SLC12A6: variants seen among roughly 807,000 people sequenced by gnomAD.
SLC12A6 encodes solute carrier family 12 member 6.
Under a neutral mutation model 135.3 loss-of-function variants are expected in SLC12A6, and 66 were observed. That is an observed-to-expected ratio of 0.49 (90% CI 0.40 to 0.60). The LOEUF is 0.60. Among genes scored for constraint, SLC12A6 ranks in the 20% least tolerant of loss-of-function variants. The pLI, the probability that SLC12A6 is intolerant of heterozygous loss-of-function variation, is 0.00. For missense variants in SLC12A6, 1,058 were observed against 1,452.3 expected, an observed-to-expected ratio of 0.73 and a Z score of 4.41; for synonymous variants, 513 against 508.8, an observed-to-expected ratio of 1.01 and a Z score of -0.11.
At chr15:34,325,751 G>A (rs1204517334) in intron 2 of SLC12A6, among the ~76,000 whole-genome samples, 1 of 151,796 alleles carries the variant, frequency 6.6e-6, no homozygotes, top group Non-Finnish European at 1.5e-5. Context: ...AGGCTGAAAG[G>A]ATCATGCATT....
chr15:34,299,054 T>C (rs1456245848), intron 2 of SLC12A6, among the ~76,000 whole-genome samples: 1 of 152,176 alleles, frequency 6.6e-6, no homozygotes, highest in African/African-American at 2.4e-5. Context: ...ACTTGTTTAT[T>C]TGTAATCTAC....
chr15:34,254,882 G>A (rs1033011239), intron 8 of SLC12A6, among the ~76,000 whole-genome samples: 1 of 151,840 alleles, frequency 6.6e-6, no homozygotes, highest in Non-Finnish European at 1.5e-5. Context: ...TAATTATAAT[G>A]ATGATCTTTA....
intron 4 of SLC12A6, among the ~76,000 whole-genome samples, chr15:34,260,217 T>TA (rs887627666): frequency 6.6e-6 from 1 of 151,916 alleles, no homozygotes; most frequent in African/African-American, 2.4e-5. Flanking sequence ...ATTTGACAAT[T>TA]AAAAAAAAGG....
At chr15:34,292,594 C>A (rs1458700444) in intron 2 of SLC12A6, among the ~76,000 whole-genome samples, 1 of 152,214 alleles carries the variant, frequency 6.6e-6, no homozygotes, top group Admixed American at 6.5e-5. Flanking sequence ...GCCCTGCCCC[C>A]AGAGGTGGAA....
chr15:34,245,745 G>A lies in SLC12A6; in HGVS notation c.1772C>T (p.Ala591Val). ...GGCAATAGCTTGTAGCAGCCTCGGT[G>A]CACCTGTGAGGCTCTGAAGTCCAGC... is the stretch of plus-strand genomic sequence containing the variant. Reference protein sequence around the residue: ...CGAGLQSLTGAPRLLQAIAKD... With the variant: ...CGAGLQSLTGVPRLLQAIAKD... Residue 591 changes from alanine (A) to valine (V), a missense_variant, in exon 14 of 26, where the codon GCA (alanine) becomes GTA (valine). By Grantham distance (64) the Ala-to-Val change is moderately conservative (BLOSUM62 0). This residue lies in a region of SLC12A6 where 170 missense variants were observed against 297.6 expected (regional missense o/e 0.57). Coordinates refer to ENST00000354181, the MANE Select transcript of SLC12A6 (RefSeq NM_001365088.1). 6 of 1,613,790 alleles carry A rather than the reference G, an allele frequency of 3.7e-6. No homozygotes were observed. Among genetic ancestry groups the A allele is most frequent in the Non-Finnish European group, 5.1e-6 (6 of 1,179,688 alleles).
intron 2 of SLC12A6, among the ~76,000 whole-genome samples, chr15:34,282,986 G>A (rs1325747966): frequency 1.3e-5 from 2 of 152,166 alleles, no homozygotes; most frequent in African/African-American, 2.4e-5. Flanking sequence ...CCATGTGCTA[G>A]GGATAGAAGG....
intron 3 of SLC12A6, among the ~76,000 whole-genome samples, chr15:34,273,710 G>A (rs1595476263): frequency 6.6e-6 from 1 of 152,200 alleles, no homozygotes; most frequent in East Asian, 1.9e-4. Flanking sequence ...AGCTCAGCAG[G>A]GATCAAAATA....
At chr15:34,292,496 A>G (rs931963365) in intron 2 of SLC12A6, among the ~76,000 whole-genome samples, 2 of 152,148 alleles carry the variant, frequency 1.3e-5, no homozygotes, top group Admixed American at 1.3e-4. Context: ...CTCAAACATC[A>G]CGCTGGGAGA....
chr15:34,333,803 G>T (rs11633814), intron 2 of SLC12A6, among the ~76,000 whole-genome samples: 16,603 of 152,032 alleles, frequency 0.11, 1,102 homozygotes, highest in South Asian at 0.19. Flanking sequence ...GGGCGCTGTG[G>T]CTCACGCCTG....
At chr15:34,240,560 G>C in intron 19 of SLC12A6, 101 bp downstream of exon 19, 1 of 1,044,762 alleles carries the variant, frequency 9.6e-7, no homozygotes, top group Non-Finnish European at 1.5e-6. Flanking sequence ...AAACCTCCTA[G>C]ATCACTCAGG....
In SLC12A6 at chr15:34,275,368, G is replaced by C; in HGVS notation, c.293C>G (p.Thr98Arg). 6.5e-7 allele frequency: 1 copy of C among 1,547,304 alleles called. No individual in the cohort carries two copies. Among genetic ancestry groups the C allele is most frequent in the Non-Finnish European group, 8.9e-7 (1 of 1,119,794 alleles). The change falls in exon 3 of 26, where the codon ACA (threonine) becomes AGA (arginine). Residue 98 changes from threonine (T) to arginine (R), a missense_variant. Physicochemically the swap from Thr to Arg is moderately conservative, Grantham distance 71 (BLOSUM62 -1). This residue lies in a region of SLC12A6 where 176 missense variants were observed against 168.9 expected (regional missense o/e 1.04). Transcript: ENST00000354181. Reference sequence around the variant, plus strand: ...ACCTAACAGTTGGCTGTGTTCCCCTGTGATGGAGTTCTGACTCAGGTCTGA... The same window carrying C: ...ACCTAACAGTTGGCTGTGTTCCCCTCTGATGGAGTTCTGACTCAGGTCTGA... ...VIEDLSQNSI[T>R]GEHSQLLDDG...
chr15:34,268,068 T>C lies in SLC12A6; in HGVS notation c.317-7048A>G, dbSNP rs78524896. Among the ~76,000 whole-genome samples the C allele has an allele frequency of 8.9e-4, 136 of 152,308 alleles. 1 individual carries two copies. Among genetic ancestry groups the C allele is most frequent in the African/African-American group, 3.0e-3 (123 of 41,558 alleles). ...TTTGTATCCCAGACTCAGGACCATG[T>C]CATTTCTCTTGAGGGTTATGGAAGT... On this transcript the variant is annotated intron_variant, in intron 3 of 25. Transcript: ENST00000354181.
chr15:34,256,334 C>T (rs1892751272), intron 6 of SLC12A6, 51 bp from the exon 7 acceptor site: 1 of 1,226,760 alleles, frequency 8.2e-7, no homozygotes, highest in Admixed American at 1.7e-5. Context: ...GATGACATTT[C>T]TATACTACTT....
chr15:34,260,394 G>A (rs964954716), intron 4 of SLC12A6, among the ~76,000 whole-genome samples: 1 of 152,148 alleles, frequency 6.6e-6, no homozygotes, highest in Admixed American at 6.5e-5. Flanking sequence ...GAGTAGCTGG[G>A]ACCACAGGCG....
rs2140728930 is a variant in SLC12A6 at position 34,251,006 on chromosome 15, G to T, written c.1385C>A (p.Ser462Ter). Residue 462 changes from serine to a stop codon, truncating the protein, a stop_gained, in exon 11 of 26, where the codon TCA becomes TAA. Coordinates refer to ENST00000354181, the MANE Select transcript of SLC12A6 (RefSeq NM_001365088.1). LOFTEE classifies it high-confidence loss of function. ...LPKGEIIEKP[S>*]AKSSDVLGSL... ...GCCTAAGACATCAGAAGATTTGGCT[G>T]AAGGCTTTTCGATGATCTCTCCCTT... 1 of 1,611,304 alleles carries T rather than the reference G, an allele frequency of 6.2e-7. No individual in the cohort carries two copies. Among genetic ancestry groups the T allele is most frequent in the East Asian group, 2.2e-5 (1 of 44,842 alleles).
chr15:34,240,477 TAATA>T (rs1339828729), intron 19 of SLC12A6, among the ~76,000 whole-genome samples, 180 bp downstream of exon 19: 1 of 152,160 alleles, frequency 6.6e-6, no homozygotes, highest in African/African-American at 2.4e-5. Context: ...CAGGAAGAAA[TAATA>T]AATAACTATT....
chr15:34,252,796 A>G (rs1462478841), intron 9 of SLC12A6, among the ~76,000 whole-genome samples: 1 of 152,256 alleles, frequency 6.6e-6, no homozygotes, highest in Non-Finnish European at 1.5e-5. Context: ...TGTTAGGTCT[A>G]AAAGAATACT....
rs1890915211 is a variant in SLC12A6 at position 34,231,345 on chromosome 15, A to C, written c.*2536T>G. 1 of 149,642 alleles carries C rather than the reference A, an allele frequency of 6.7e-6. No individual in the cohort carries two copies. Among genetic ancestry groups the C allele is most frequent in the Non-Finnish European group, 1.5e-5 (1 of 67,850 alleles). The allele number at this position is 149,642 out of a possible 1,614,324, so 9.3% of individuals were successfully genotyped here. A position where few individuals can be genotyped will look rare whatever the true frequency, so the allele number is the denominator to read the frequency against. On this transcript the variant is annotated 3_prime_UTR_variant, in exon 26 of 26. Coordinates refer to ENST00000354181, the MANE Select transcript of SLC12A6 (RefSeq NM_001365088.1). ...CCATTTCACTCCAGCCTGGGCAACAAGAGCGAAACTACGTCTCGGAAAAAA... is the reference window on the plus strand; with the variant it reads ...CCATTTCACTCCAGCCTGGGCAACACGAGCGAAACTACGTCTCGGAAAAAA...
chr15:34,241,464 G>T (rs1044613400), intron 17 of SLC12A6, 127 bp from the exon 18 acceptor site: 1 of 658,556 alleles, frequency 1.5e-6, no homozygotes, highest in African/African-American at 1.8e-5. Context: ...TCAGATTAAT[G>T]ATTTACATAA....
Sources: gnomAD v4.1 joint callset for allele counts (sites outside exome capture counted in the v4.1 genomes callset) on GRCh38, gnomAD v4.1.1 for gene constraint, gnomAD v4.1.1 regional missense constraint, MANE v1.5 for transcripts, NCBI Gene and HGNC (gene_info 2026-07-23, HGNC 2026-07-21) for gene names.